The following ANLN variants were observed in gnomAD, a reference collection of about 807,000 sequenced individuals.
ANLN encodes the protein anillin, actin binding protein.
Under a neutral mutation model 135.1 loss-of-function variants are expected in ANLN, and 59 were observed. The ratio of observed to expected loss-of-function variants is 0.44; its 90% CI spans 0.35 to 0.54. The LOEUF (loss-of-function observed/expected upper bound fraction) is 0.54, where lower values mean the gene tolerates loss of function less well. ANLN is among the 20% of genes least tolerant of loss of function. ANLN has a pLI of 0.00. For synonymous variants in ANLN, 406 were observed against 456.4 expected (o/e 0.89, Z 1.41); for missense variants, 1,182 against 1,340.0 (o/e 0.88, Z 1.84).
intron 20 of ANLN, among the ~76,000 whole-genome samples, chr7:36,429,448 C>G (rs1414581638): frequency 6.6e-6 from 1 of 151,886 alleles, no homozygotes; most frequent in Non-Finnish European, 1.5e-5. Flanking sequence ...CTTGAACTCC[C>G]AACCTCAGGC....
Position 36,424,714 on chromosome 7 carries a change from A to G in ANLN, c.2681A>G (p.Asp894Gly), listed in dbSNP as rs1360836430. Residue 894 changes from aspartate (D) to glycine (G), a missense_variant, in exon 17 of 24, where the codon GAT becomes GGT. Coordinates refer to ENST00000265748, the MANE Select transcript of ANLN (RefSeq NM_018685.5). ...LVQKKDPSGLDKKKKTSKSKA... is the reference protein window; with the variant it reads ...LVQKKDPSGLGKKKKTSKSKA... ...CAAAAGAAAGATCCCTCAGGCCTTG[A>G]TAAGAAGAAAAAAACATCCAAGTCC... The G allele has an allele frequency of 1.2e-6, 2 of 1,612,452 alleles. No individual in the cohort carries two copies. The highest frequency in any genetic ancestry group is 2.2e-5 in the East Asian group (1 of 44,746).
At position 36,421,848 on chromosome 7, in the gene ANLN, T is replaced by A. The variant is rs901361983; in HGVS notation, c.2164-9T>A. On this transcript the variant is annotated splice_polypyrimidine_tract_variant and intron_variant, in intron 12 of 23. Coordinates refer to ENST00000265748, the MANE Select transcript of ANLN (RefSeq NM_018685.5). ...TGTATATTTTTTCTCCTCTCATTGG[T>A]TTTCCTAGGAACTCAATAACGAAAT... 2 of 1,590,376 alleles carry A rather than the reference T, an allele frequency of 1.3e-6. No homozygotes were observed. The highest frequency in any genetic ancestry group is 2.7e-5 in the African/African-American group (2 of 73,656).
At chr7:36,400,609 C>T (rs1220510252) in intron 3 of ANLN, among the ~76,000 whole-genome samples, 5 of 151,034 alleles carry the variant, frequency 3.3e-5, no homozygotes, top group Admixed American at 1.3e-4. Context: ...AGTGATCACC[C>T]GCCTTGGCCT....
chr7:36,449,656 T>C lies in ANLN; in HGVS notation c.3079-9T>C, dbSNP rs1226754794. ...TTTTCTACTAATTTCTCTTAATTTGTTTTTAAAGAATCCCATAGGAAGGAT... is the reference window on the plus strand; with the variant it reads ...TTTTCTACTAATTTCTCTTAATTTGCTTTTAAAGAATCCCATAGGAAGGAT... On this transcript the variant is annotated splice_polypyrimidine_tract_variant and intron_variant, in intron 22 of 23. Transcript: ENST00000265748. 5 of 1,601,440 alleles carry C rather than the reference T, an allele frequency of 3.1e-6. No individual in the cohort carries two copies. Among genetic ancestry groups the C allele is most frequent in the Non-Finnish European group, 4.3e-6 (5 of 1,173,510 alleles).
At chr7:36,428,253 C>T in intron 20 of ANLN, 3 of 949,466 alleles carry the variant, frequency 3.2e-6, no homozygotes, top group South Asian at 1.7e-5. Context: ...CTACTTTAAC[C>T]AGTTGAGTGA....
At chr7:36,424,632 T>C (rs1788006222) in intron 16 of ANLN, 39 bp downstream of exon 16, 3 of 1,599,524 alleles carry the variant, frequency 1.9e-6, no homozygotes, top group Non-Finnish European at 1.7e-6. Flanking sequence ...GAAGAGTATA[T>C]TTTTCTTAAC....
At chr7:36,390,211 G>A (rs1786376102) in intron 1 of ANLN, 167 bp downstream of exon 1, 1 of 1,093,328 alleles carries the variant, frequency 9.1e-7, no homozygotes, top group Non-Finnish European at 1.3e-6. Context: ...TGCTGTGGTT[G>A]GTGGGTTCCT....
intron 3 of ANLN, among the ~76,000 whole-genome samples, chr7:36,405,635 T>G (rs966445695): frequency 4.6e-5 from 7 of 152,222 alleles, no homozygotes; most frequent in African/African-American, 1.4e-4. Flanking sequence ...AACATTTGGT[T>G]GTTTTTGATT....
chr7:36,411,207 A>T (rs753170176), intron 7 of ANLN, 41 bp downstream of exon 7: 1 of 1,491,930 alleles, frequency 6.7e-7, no homozygotes, highest in Non-Finnish European at 9.1e-7. Flanking sequence ...TTGGTCCCCA[A>T]ATAGTTGGGA....
At chr7:36,448,170 C>T (rs1207129236) in intron 22 of ANLN, among the ~76,000 whole-genome samples, 4 of 152,026 alleles carry the variant, frequency 2.6e-5, no homozygotes, top group East Asian at 1.9e-4. Flanking sequence ...AGCGCCACCA[C>T]GCACGGCTAG....
chr7:36,424,778 TC>T, intron 17 of ANLN, 36 bp downstream of exon 17: 1 of 1,577,636 alleles, frequency 6.3e-7, no homozygotes, highest in Non-Finnish European at 8.6e-7. Flanking sequence ...AATATTTTCA[TC>T]AGAAGTAATA....
intron 16 of ANLN, 28 bp downstream of exon 16, chr7:36,424,621 T>C: frequency 6.3e-7 from 1 of 1,598,744 alleles, no homozygotes; most frequent in Admixed American, 1.7e-5. Context: ...TCTAAAATAA[T>C]GAAGAGTATA....
At chr7:36,412,834 G>A (rs959650589) in intron 7 of ANLN, among the ~76,000 whole-genome samples, 1 of 152,146 alleles carries the variant, frequency 6.6e-6, no homozygotes, top group Non-Finnish European at 1.5e-5. Context: ...ATATACCCAT[G>A]TTTTTATATC....
chr7:36,436,858 A>G (rs764979756), intron 20 of ANLN, among the ~76,000 whole-genome samples: 34 of 152,160 alleles, frequency 2.2e-4, no homozygotes, highest in Non-Finnish European at 3.1e-4. Flanking sequence ...CTGAGTTGTA[A>G]GAGTTTTCTT....
intron 1 of ANLN, among the ~76,000 whole-genome samples, chr7:36,394,652 G>A (rs998907937): frequency 6.6e-6 from 1 of 152,040 alleles, no homozygotes; most frequent in African/African-American, 2.4e-5. Context: ...TAGAGAGTGT[G>A]CCTTCTTTCA....
At chr7:36,419,593 G>A (rs1787788370) in intron 10 of ANLN, 114 bp downstream of exon 10, 4 of 820,276 alleles carry the variant, frequency 4.9e-6, no homozygotes, top group Non-Finnish European at 7.6e-6. Context: ...AGGGAATTTT[G>A]CAGACCTGTT....
Position 36,453,165 on chromosome 7 carries a change from G to T in ANLN, c.*565G>T, listed in dbSNP as rs895497530. On this transcript the variant is annotated 3_prime_UTR_variant, in exon 24 of 24. Transcript: ENST00000265748. ...ATGAGGCTGTCTTCAGAAAAGTGAT[G>T]TGGACATAGGAGGCAATGTGTGAGA... The T allele has an allele frequency of 6.6e-6, 1 of 152,306 alleles. No homozygotes were observed. The highest frequency in any genetic ancestry group is 2.4e-5 in the African/African-American group (1 of 41,446). 9.4% of individuals were successfully genotyped at this position (152,306 alleles called of 1,614,324 possible).
At chr7:36,408,953 A>C (rs1243786292) in intron 5 of ANLN, among the ~76,000 whole-genome samples, 1 of 152,204 alleles carries the variant, frequency 6.6e-6, no homozygotes, top group East Asian at 1.9e-4. Context: ...TTTTAATTCT[A>C]AGGTTTAACT....
chr7:36,417,674 CTTTTTTTT>C (rs70977138), intron 9 of ANLN, among the ~76,000 whole-genome samples: 1 of 97,254 alleles, frequency 1.0e-5, no homozygotes, highest in Non-Finnish European at 2.0e-5. Flanking sequence ...CTCAAACTTC[CTTTTTTTT>C]TTTTTTTTTT....
Sources: allele counts gnomAD v4.1 joint callset (sites outside exome capture counted in the v4.1 genomes callset), GRCh38; gene constraint gnomAD v4.1.1; transcripts MANE v1.5; gene names NCBI Gene and HGNC (gene_info 2026-07-23, HGNC 2026-07-21).